DGKZ: variants seen among roughly 807,000 people sequenced by gnomAD.
The protein encoded by DGKZ is DAG kinase zeta.
DGKZ carries 45 observed loss-of-function variants against 142.5 expected under a neutral mutation model. That is an observed-to-expected ratio of 0.32 (90% CI 0.25 to 0.40). DGKZ has a LOEUF of 0.40. DGKZ is among the 10% of genes least tolerant of loss of function. The pLI is 1.00. For synonymous variants in DGKZ, 442 were observed against 527.0 expected (o/e 0.84, Z 2.21); for missense variants, 755 against 1,306.5 (o/e 0.58, Z 6.51).
In DGKZ at chr11:46,339,645, G is replaced by A. The variant is rs139401923; in HGVS notation, c.212+6158G>A. The stretch of plus-strand genomic sequence containing the variant: ...CAGCAGCCCATGTCCCCCAGTCCCC[G>A]CACCAAGGGGCACAGCCACTTGGGC... On this transcript the variant is annotated intron_variant, in intron 1 of 30. Transcript: ENST00000343674. Among the ~76,000 whole-genome samples the A allele has an allele frequency of 1.6e-3, 242 of 152,336 alleles. 1 individual carries two copies. Among genetic ancestry groups the A allele is most frequent in the African/African-American group, 5.5e-3 (228 of 41,584 alleles).
intron 1 of DGKZ, chr11:46,333,570 G>C (rs1291863677): frequency 7.8e-7 from 1 of 1,279,964 alleles, no homozygotes; most frequent in Non-Finnish European, 1.1e-6. Flanking sequence ...TTTATTGTGC[G>C]CCCGCCGCCT....
chr11:46,379,326 C>T, intron 29 of DGKZ, 90 bp downstream of exon 29: 1 of 1,589,142 alleles, frequency 6.3e-7, no homozygotes, highest in Non-Finnish European at 8.6e-7. Flanking sequence ...AGCCCATAAA[C>T]TTCCTGGTCA....
upstream of DGKZ, chr11:46,347,291 C>T (rs1446307254): frequency 4.8e-5 from 47 of 984,088 alleles, no homozygotes; most frequent in Non-Finnish European, 5.3e-5. This position sits in a 1 kb window ranked among gnomAD's most constrained non-coding sequence, Gnocchi z 6.4. Flanking sequence ...CTTTCTGCTG[C>T]CCCGCCCATT....
At chr11:46,371,889 G>A in intron 9 of DGKZ, 114 bp downstream of exon 9, 1 of 1,356,762 alleles carries the variant, frequency 7.4e-7, no homozygotes, top group Non-Finnish European at 1.0e-6. Context: ...GTCTGTGTGG[G>A]CTCTGGGGCC....
At chr11:46,375,830 C>T in intron 20 of DGKZ, 21 bp from the exon 21 acceptor site, 1 of 1,550,518 alleles carries the variant, frequency 6.4e-7, no homozygotes, top group Non-Finnish European at 8.7e-7. Flanking sequence ...TGAGCCCCCG[C>T]TTGCCGGCCC....
chr11:46,365,196 C>T, intron 1 of DGKZ: 1 of 985,386 alleles, frequency 1.0e-6, no homozygotes, highest in Non-Finnish European at 1.2e-6. Flanking sequence ...CTCCTGCCTG[C>T]CTGCAGGAGG....
intron 24 of DGKZ, 194 bp from the exon 25 acceptor site, chr11:46,376,879 G>A: frequency 1.5e-6 from 1 of 646,334 alleles, no homozygotes; most frequent in Non-Finnish European, 2.7e-6. Context: ...CAGCTCACCT[G>A]GTAAAGTCTG....
intron 24 of DGKZ, 36 bp from the exon 25 acceptor site, chr11:46,377,037 G>A (rs970632273): frequency 1.9e-6 from 3 of 1,597,270 alleles, no homozygotes; most frequent in Admixed American, 3.4e-5. Flanking sequence ...CCCACCGTCA[G>A]GTGCCCTGAC....
In DGKZ at chr11:46,372,536, G is replaced by A. The variant is rs1043720478; in HGVS notation, c.1010+26G>A. 1.2e-6 allele frequency: 2 copies of A among 1,613,958 alleles called. No homozygotes were observed. Among genetic ancestry groups the A allele is most frequent in the South Asian group, 2.2e-5 (2 of 91,088 alleles). ...GTAAGTACTTGCCAAGGTTTTGTGG[G>A]GGACATGGGGGGGAACTTGCCTCAC... On this transcript the variant is annotated intron_variant, in intron 11 of 30. Transcript: ENST00000527911. The surrounding 1 kb of genome is among the most constrained non-coding windows in gnomAD (Gnocchi z 5.9).
chr11:46,379,915 A>T (rs1945034382), exon 31 of DGKZ: 1 of 1,608,064 alleles, frequency 6.2e-7, no homozygotes, highest in South Asian at 1.1e-5. Context: ...CTACCAGATG[A>T]TCCAGCGGGA....
At position 46,347,516 on chromosome 11, in the gene DGKZ, A is replaced by G. The variant is rs1047784371; in HGVS notation, c.-144A>G. On this transcript the variant is annotated 5_prime_UTR_variant, in exon 1 of 31. Transcript: ENST00000527911. The surrounding 1 kb of genome is among the most constrained non-coding windows in gnomAD (Gnocchi z 6.4). ...GCTTCCCGGGCACCTGGGCGTGGGGAGCGGGGGCGCGCGGCGCGGGGCGGG... is the reference window on the plus strand; with the variant it reads ...GCTTCCCGGGCACCTGGGCGTGGGGGGCGGGGGCGCGCGGCGCGGGGCGGG... 4 of 980,706 alleles carry G rather than the reference A, an allele frequency of 4.1e-6. No homozygotes were observed. The highest frequency in any genetic ancestry group is 4.8e-6 in the Non-Finnish European group (4 of 828,720). 60.8% of individuals were successfully genotyped at this position (980,706 alleles called of 1,614,324 possible).
At chr11:46,379,727 C>G in intron 30 of DGKZ, 104 bp from the exon 31 acceptor site, 1 of 1,311,250 alleles carries the variant, frequency 7.6e-7, no homozygotes, top group Non-Finnish European at 1.0e-6. Context: ...AGAGAGGCCT[C>G]CCTCCCTGAC....
At chr11:46,346,760 C>A (rs1940662647), upstream of DGKZ, among the ~76,000 whole-genome samples, 1 of 152,106 alleles carries the variant, frequency 6.6e-6, no homozygotes, top group South Asian at 2.1e-4. Context: ...CATATGAGAT[C>A]TATAGGTTCT....
At chr11:46,355,449 C>T (rs1274165050) in intron 1 of DGKZ, among the ~76,000 whole-genome samples, 1 of 152,112 alleles carries the variant, frequency 6.6e-6, no homozygotes, top group Non-Finnish European at 1.5e-5. Context: ...GGAATTGTTT[C>T]CCAGGAACAA....
rs116789080 is a variant in DGKZ, at chr11:46,378,861, C to T, written c.2419-130C>T. ...TCCAGAGAGACCCACAGAGGCAACTCAGGAGTAAGATGTGTGAGCGCACTC... is the reference window on the plus strand; with the variant it reads ...TCCAGAGAGACCCACAGAGGCAACTTAGGAGTAAGATGTGTGAGCGCACTC... On this transcript the variant is annotated intron_variant, in intron 27 of 30. Transcript: ENST00000527911. The T allele has an allele frequency of 1.4e-3, 2,019 of 1,400,798 alleles. 20 individuals are homozygous for T. The African/African-American group carries it at 0.027, about 19-fold the overall frequency. The allele number at this position is 1,400,798 out of a possible 1,614,324, so 86.8% of individuals were successfully genotyped here.
upstream of DGKZ, among the ~76,000 whole-genome samples, chr11:46,346,676 G>A (rs143431332): frequency 5.9e-5 from 9 of 152,340 alleles, no homozygotes; most frequent in African/African-American, 2.2e-4. Flanking sequence ...GTGTGCTTGT[G>A]AATGGGAGTG....
At chr11:46,352,566 G>T (rs756097911) in intron 1 of DGKZ, among the ~76,000 whole-genome samples, 1 of 152,222 alleles carries the variant, frequency 6.6e-6, no homozygotes, top group Non-Finnish European at 1.5e-5. Flanking sequence ...GGTCATCTGG[G>T]ACTCCCGCGC....
At chr11:46,336,960 G>T (rs1590368184) in intron 1 of DGKZ, among the ~76,000 whole-genome samples, 2 of 152,154 alleles carry the variant, frequency 1.3e-5, no homozygotes, top group African/African-American at 4.8e-5. Context: ...ATTCGAGGCT[G>T]CGGTGAGCCA....
chr11:46,379,746 A>T (rs916485006), intron 30 of DGKZ, 85 bp from the exon 31 acceptor site: 17 of 1,397,770 alleles, frequency 1.2e-5, no homozygotes, highest in Non-Finnish European at 1.5e-5. Context: ...ACCAGGCCAC[A>T]GGGAGGTAGA....
Sources: gnomAD v4.1 joint callset for allele counts (sites outside exome capture counted in the v4.1 genomes callset) on GRCh38, gnomAD v4.1.1 for gene constraint, Gnocchi (gnomAD v3.1) non-coding constraint, MANE v1.5 for transcripts, NCBI Gene and HGNC (gene_info 2026-07-23, HGNC 2026-07-21) for gene names.